MRPS18A: variants seen among roughly 807,000 people sequenced by gnomAD.
MRPS18A encodes the protein large ribosomal subunit protein mL66.
In MRPS18A, 20 loss-of-function variants were observed where a neutral mutation model predicts 22.7. That is an observed-to-expected ratio of 0.88 (90% CI 0.62 to 1.28). The LOEUF (loss-of-function observed/expected upper bound fraction) is 1.28. Ranked by LOEUF, MRPS18A falls within the 50% of genes most tolerant of loss-of-function variation. The pLI, the probability that MRPS18A is intolerant of heterozygous loss-of-function variation, is 0.00. For missense variants in MRPS18A, 294 were observed against 262.6 expected, an observed-to-expected ratio of 1.12 and a Z score of -0.83; for synonymous variants, 106 against 99.1, an observed-to-expected ratio of 1.07 and a Z score of -0.41.
intron 1 of MRPS18A, among the ~76,000 whole-genome samples, chr6:43,682,113 T>G (rs1204447414): frequency 1.3e-5 from 2 of 152,156 alleles, no homozygotes; most frequent in Non-Finnish European, 2.9e-5. Flanking sequence ...GAGACCAGCC[T>G]GCGCAATGTG....
rs749758365 is a variant in MRPS18A, at chr6:43,687,633, T to C, written c.112+35A>G. On this transcript the variant is annotated intron_variant, in intron 1 of 5. Coordinates refer to ENST00000372133, the MANE Select transcript of MRPS18A (RefSeq NM_018135.4). ...GCGGAAGCAGTCTCTGCCGCTCTTCTTAATTTCAGGAGGTTGCTGGGACGC... is the reference window on the plus strand; with the variant it reads ...GCGGAAGCAGTCTCTGCCGCTCTTCCTAATTTCAGGAGGTTGCTGGGACGC... The C allele has an allele frequency of 3.5e-6, 5 of 1,418,974 alleles. No individual in the cohort carries two copies. The African/African-American group carries it at 7.3e-5, about 21-fold the overall frequency. The allele number at this position is 1,418,974 out of a possible 1,614,324, so 87.9% of individuals were successfully genotyped here. A position where few individuals can be genotyped will look rare whatever the true frequency, so the allele number is the denominator to read the frequency against.
intron 5 of MRPS18A, chr6:43,672,595 T>C (rs1215655096): frequency 3.0e-6 from 1 of 332,608 alleles, no homozygotes; most frequent in Non-Finnish European, 6.3e-6. Flanking sequence ...ACTTGGATCC[T>C]GTCCAGAAAG....
chr6:43,676,925 G>C (rs1774087465), intron 3 of MRPS18A, among the ~76,000 whole-genome samples: 1 of 152,150 alleles, frequency 6.6e-6, no homozygotes, highest in African/African-American at 2.4e-5. Flanking sequence ...TAATCAACTG[G>C]GCTGGAGGCC....
chr6:43,672,258 G>A (rs1316884229), intron 5 of MRPS18A: 4 of 433,762 alleles, frequency 9.2e-6, no homozygotes, highest in Admixed American at 3.0e-5. Flanking sequence ...GCCATGGGGC[G>A]AGAAGAGCTG....
At chr6:43,683,786 C>T (rs1359480581) in intron 1 of MRPS18A, among the ~76,000 whole-genome samples, 5 of 152,186 alleles carry the variant, frequency 3.3e-5, no homozygotes, top group Admixed American at 3.3e-4. Context: ...CAGCTTCATT[C>T]TACCTACTGT....
At chr6:43,687,074 C>G (rs1290659240) in intron 1 of MRPS18A, among the ~76,000 whole-genome samples, 1 of 152,232 alleles carries the variant, frequency 6.6e-6, no homozygotes, top group Non-Finnish European at 1.5e-5. Context: ...ATTCAGTAAA[C>G]TCTCAGTTGA....
At chr6:43,683,625 A>G (rs1774532583) in intron 1 of MRPS18A, among the ~76,000 whole-genome samples, 1 of 152,216 alleles carries the variant, frequency 6.6e-6, no homozygotes, top group Non-Finnish European at 1.5e-5. Context: ...GTTCTGAGAT[A>G]TGGCAGTATC....
At position 43,675,513 on chromosome 6, in the gene MRPS18A, C is replaced by T. The variant is rs749351308; in HGVS notation, c.357G>A (p.Val119=). The T allele has an allele frequency of 6.8e-6, 11 of 1,614,036 alleles. No homozygotes were observed. The highest frequency in any genetic ancestry group is 8.5e-6 in the Non-Finnish European group (10 of 1,180,036). ...QEEHRKIEEC[V]KMAHRAGLLP... is the part of the protein sequence containing the mutation. ...TTCTACCTGCTCGGTGGGCCATCTT[C>T]ACACACTCCTCGATCTTGCGGTGTT... Residue 119 remains valine, a synonymous_variant, in exon 4 of 6, where the codon GTG becomes GTA. Transcript: ENST00000372133.
chr6:43,687,253 A>C (rs1774758210), intron 1 of MRPS18A, among the ~76,000 whole-genome samples: 1 of 152,178 alleles, frequency 6.6e-6, no homozygotes, highest in Non-Finnish European at 1.5e-5. Flanking sequence ...CAGCATTTTG[A>C]GAAGGGAAAG....
chr6:43,684,869 T>A (rs1561952795), intron 1 of MRPS18A, among the ~76,000 whole-genome samples: 2 of 152,252 alleles, frequency 1.3e-5, no homozygotes, highest in Non-Finnish European at 2.9e-5. Flanking sequence ...TTTGTTTTTT[T>A]ATTTTAAATA....
At chr6:43,686,484 T>C (rs56088243) in intron 1 of MRPS18A, among the ~76,000 whole-genome samples, 40,366 of 152,224 alleles carry the variant, frequency 0.27, 9,792 homozygotes, top group African/African-American at 0.65. Context: ...TCAAACATAC[T>C]TACTATTTCC....
chr6:43,680,042 G>C (rs1774300649), intron 2 of MRPS18A, among the ~76,000 whole-genome samples: 1 of 152,106 alleles, frequency 6.6e-6, no homozygotes, highest in Admixed American at 6.6e-5. Flanking sequence ...GGCATGGATG[G>C]GCTCTTCCCT....
Position 43,671,620 on chromosome 6 carries a change from C to T in MRPS18A, c.*142G>A, listed in dbSNP as rs1024279092. 2.1e-6 allele frequency: 2 copies of T among 962,240 alleles called. No homozygotes were observed. Among genetic ancestry groups the T allele is most frequent in the African/African-American group, 3.2e-5 (2 of 61,848 alleles). The allele number at this position is 962,240 out of a possible 1,614,324, so 59.6% of individuals were successfully genotyped here. On this transcript the variant is annotated 3_prime_UTR_variant, in exon 6 of 6. Coordinates refer to ENST00000372133, the MANE Select transcript of MRPS18A (RefSeq NM_018135.4). ...GCCAAGGGTACTGAAGTTAGTCCCACTGTCCCCTGTCCATGCATGTTGGAG... is the reference window on the plus strand; with the variant it reads ...GCCAAGGGTACTGAAGTTAGTCCCATTGTCCCCTGTCCATGCATGTTGGAG...
rs1582410090 is a variant in MRPS18A, at chr6:43,678,584, A to G, written c.186T>C (p.Asn62=). Residue 62 remains asparagine, a synonymous_variant, in exon 3 of 6, where the codon AAT becomes AAC. Coordinates refer to ENST00000372133, the MANE Select transcript of MRPS18A (RefSeq NM_018135.4). ...RITATPKESP[N]PPNPSGQCPI... ...GGCACTGGCCAGAGGGGTTAGGAGG[A>G]TTTGGACTCTCCTTGGGAGTCGCTG... 6.2e-7 allele frequency: 1 copy of G among 1,613,906 alleles called. No homozygotes were observed. The highest frequency in any genetic ancestry group is 1.6e-4 in the Middle Eastern group (1 of 6,062).
At chr6:43,671,966 G>A in intron 5 of MRPS18A, 60 bp from the exon 6 acceptor site, 1 of 1,505,464 alleles carries the variant, frequency 6.6e-7, no homozygotes, top group Non-Finnish European at 8.9e-7. Context: ...GGACGTGGGA[G>A]AGTGGAGCAC....
rs1279045180 is a variant in MRPS18A at position 43,675,220 on chromosome 6, C to T, written c.428G>A (p.Ser143Asn). 6.6e-7 allele frequency: 1 copy of T among 1,519,344 alleles called. No homozygotes were observed. The highest frequency in any genetic ancestry group is 2.3e-5 in the East Asian group (1 of 43,920). 94.1% of individuals were successfully genotyped at this position (1,519,344 alleles called of 1,614,324 possible). The change falls in exon 5 of 6, where the codon AGC (serine) becomes AAC (asparagine). Residue 143 changes from serine to asparagine, a missense_variant. Ser to Asn is a conservative substitution (Grantham distance 46, BLOSUM62 1). Coordinates refer to ENST00000372133, the MANE Select transcript of MRPS18A (RefSeq NM_018135.4). ...TGCTTACCGGTTGAGTTGGGGTTTG[C>T]TCTTCGGAACAACTCCTTCAGGAAG... ...PRLPEGVVPK[S>N]KPQLNRYLTR...
At position 43,673,660 on chromosome 6, in the gene MRPS18A, C is replaced by T. The variant is rs545482906; in HGVS notation, c.446+1542G>A. On this transcript the variant is annotated intron_variant, in intron 5 of 5. Transcript: ENST00000372133. The surrounding 1 kb of genome is among the most constrained non-coding windows in gnomAD (Gnocchi z 4.2). Reference sequence around the variant, plus strand: ...ACCAAGTCTCTTTCCTAAACCAGCCCCTTCCTACCTCTCCTGAAGGGGCAG... The same window carrying T: ...ACCAAGTCTCTTTCCTAAACCAGCCTCTTCCTACCTCTCCTGAAGGGGCAG... Among the ~76,000 whole-genome samples the T allele has an allele frequency of 4.6e-5, 7 of 152,290 alleles. No individual in the cohort carries two copies. In the South Asian group the frequency reaches 1.4e-3, roughly 32 times the overall value.
At chr6:43,684,247 CACT>C (rs752159946) in intron 1 of MRPS18A, among the ~76,000 whole-genome samples, 1 of 152,016 alleles carries the variant, frequency 6.6e-6, no homozygotes, top group Non-Finnish European at 1.5e-5. Flanking sequence ...GAGTGCAGGG[CACT>C]GCTGAAGTGC....
chr6:43,681,199 C>T (rs1189597651), intron 1 of MRPS18A, 79 bp from the exon 2 acceptor site: 1 of 1,448,380 alleles, frequency 6.9e-7, no homozygotes, highest in Non-Finnish European at 9.6e-7. Flanking sequence ...TCAAATTCTA[C>T]ACATCTGGAA....
Sources: gnomAD v4.1 joint callset for allele counts (sites outside exome capture counted in the v4.1 genomes callset) on GRCh38, gnomAD v4.1.1 for gene constraint, Gnocchi (gnomAD v3.1) non-coding constraint, MANE v1.5 for transcripts, NCBI Gene and HGNC (gene_info 2026-07-23, HGNC 2026-07-21) for gene names.